The following SFI1 variants were observed in gnomAD, a reference collection of about 807,000 sequenced individuals.
SFI1 encodes the protein protein SFI1 homolog.
A neutral mutation model predicts 207.5 loss-of-function variants in SFI1; 195 were observed. The observed-to-expected ratio is 0.94, with a 90% confidence interval of 0.84 to 1.06. SFI1 has a LOEUF of 1.06. Among genes scored for constraint, SFI1 ranks in the 50% least tolerant of loss-of-function variants. SFI1 has a pLI of 0.00. For synonymous variants in SFI1, 630 were observed against 598.9 expected (o/e 1.05, Z -0.76); for missense variants, 1,634 against 1,588.0 (o/e 1.03, Z -0.49).
At chr22:31,579,152 T>C (rs984324854) in intron 11 of SFI1, among the ~76,000 whole-genome samples, 5 of 151,682 alleles carry the variant, frequency 3.3e-5, no homozygotes, top group Non-Finnish European at 7.4e-5. Flanking sequence ...TTATCATTAC[T>C]ATTATTATTA....
Position 31,545,989 on chromosome 22 carries a change from C to A in SFI1, c.339-872C>A, listed in dbSNP as rs577694033. On this transcript the variant is annotated intron_variant, in intron 4 of 32. Transcript: ENST00000400288. ...TTCACTGGAACCTCTCCCTCCTGGG[C>A]TCAAGCGATCCTCCCACCTCAGCCT... Among the ~76,000 whole-genome samples the A allele has an allele frequency of 3.9e-4, 58 of 148,956 alleles. 2 individuals are homozygous for A. The South Asian group carries it at 9.9e-3, about 25-fold the overall frequency.
At chr22:31,588,228 C>T (rs1310661194) in intron 14 of SFI1, among the ~76,000 whole-genome samples, 2 of 152,208 alleles carry the variant, frequency 1.3e-5, no homozygotes, top group African/African-American at 2.4e-5. Flanking sequence ...AGACTGGGCT[C>T]AACTGGGAAT....
At chr22:31,577,803 G>C (rs1316775752) in intron 10 of SFI1, 1 of 152,308 alleles carries the variant, frequency 6.6e-6, no homozygotes, top group Admixed American at 6.6e-5. Context: ...AGAGAGGCTA[G>C]CACTGGTGGG....
At chr22:31,571,267 C>G (rs181649279) in intron 8 of SFI1, among the ~76,000 whole-genome samples, 1 of 152,128 alleles carries the variant, frequency 6.6e-6, no homozygotes, top group Admixed American at 6.6e-5. Context: ...AAGGTGGATA[C>G]TGTCTGTGTT....
intron 5 of SFI1, among the ~76,000 whole-genome samples, chr22:31,548,328 G>T (rs2060294782): frequency 6.6e-6 from 1 of 152,092 alleles, no homozygotes; most frequent in South Asian, 2.1e-4. Context: ...CCAGTACTTT[G>T]GGAGGCTGAG....
At chr22:31,611,333 T>A in intron 23 of SFI1, 30 bp downstream of exon 23, 3 of 1,561,868 alleles carry the variant, frequency 1.9e-6, no homozygotes, top group Non-Finnish European at 2.6e-6. Flanking sequence ...CTCTCCAAGT[T>A]CTGCCTGCCT....
At chr22:31,575,096 GTGTGTGTGTGTGTGTGT>G in intron 9 of SFI1, 118 bp from the exon 10 acceptor site, 5 of 298,272 alleles carry the variant, frequency 1.7e-5, no homozygotes, top group Admixed American at 7.2e-5. Context: ...GTGTGTGTGT[GTGTGTGTGTGTGTGTGT>G]GTGTGTGTGG....
At chr22:31,592,481 T>C (rs1317564618) in intron 15 of SFI1, among the ~76,000 whole-genome samples, 9 of 26,954 alleles carry the variant, frequency 3.3e-4, no homozygotes, top group East Asian at 1.7e-3. Context: ...CCCTCCCGGA[T>C]GGGGCGGCTG....
chr22:31,565,134 A>G (rs2062153812), intron 8 of SFI1, among the ~76,000 whole-genome samples: 1 of 151,724 alleles, frequency 6.6e-6, no homozygotes, highest in South Asian at 2.1e-4. Context: ...AGAATTTTTT[A>G]AAGTAACAAA....
chr22:31,534,028 A>C (rs1052248705), intron 4 of SFI1, among the ~76,000 whole-genome samples: 1 of 152,204 alleles, frequency 6.6e-6, no homozygotes. Flanking sequence ...CTCTTCCTAG[A>C]TAAGACAGAG....
chr22:31,593,110 GGGC>G (rs1261881258), intron 15 of SFI1, among the ~76,000 whole-genome samples: 1 of 147,280 alleles, frequency 6.8e-6, no homozygotes, highest in East Asian at 2.1e-4. Context: ...CTCCCGGATG[GGGC>G]GGCTGGCCGG....
chr22:31,613,471 C>T lies in SFI1; in HGVS notation c.2683C>T (p.Arg895Cys), dbSNP rs377278499. The change falls in exon 26 of 33, where the codon CGC (arginine) becomes TGC (cysteine). Residue 895 changes from arginine (R) to cysteine (C), a missense_variant. By Grantham distance (180) the Arg-to-Cys change is radical (BLOSUM62 -3). Transcript: ENST00000400288. ...CCAGGAGGGTGCCACGCGGCTCCTG[C>T]GCTTTGCAGCCAGCATGAAGGCCTC... is the stretch of plus-strand genomic sequence containing the variant. Reference protein sequence around the residue: ...LLQEGATRLLRFAASMKASRQ... With the variant: ...LLQEGATRLLCFAASMKASRQ... 52 of 1,601,032 alleles carry T rather than the reference C, an allele frequency of 3.2e-5. No homozygotes were observed. The highest frequency in any genetic ancestry group is 3.8e-5 in the Non-Finnish European group (45 of 1,177,684).
chr22:31,521,812 G>A (rs1256963451), intron 2 of SFI1, among the ~76,000 whole-genome samples: 1 of 151,304 alleles, frequency 6.6e-6, no homozygotes, highest in Non-Finnish European at 1.5e-5. Context: ...TGCCCAGGCT[G>A]GAGGGCAGTG....
At chr22:31,513,998 G>T (rs2056070974) in intron 2 of SFI1, among the ~76,000 whole-genome samples, 2 of 151,852 alleles carry the variant, frequency 1.3e-5, no homozygotes, top group South Asian at 4.2e-4. Flanking sequence ...GTCTGGCATG[G>T]TGGCATGCTA....
At chr22:31,554,296 T>C (rs2148095154) in intron 6 of SFI1, among the ~76,000 whole-genome samples, 1 of 152,154 alleles carries the variant, frequency 6.6e-6, no homozygotes. Flanking sequence ...AATTTATTAT[T>C]TCTTTTTCTT....
chr22:31,566,062 G>C (rs970300957), intron 8 of SFI1, among the ~76,000 whole-genome samples: 5 of 151,446 alleles, frequency 3.3e-5, no homozygotes, highest in African/African-American at 1.2e-4. Flanking sequence ...CTGATGGACT[G>C]TTGACTTCCT....
At position 31,616,804 on chromosome 22, in the gene SFI1, T is replaced by G; in HGVS notation, c.3360T>G (p.Ser1120Arg). The change falls in exon 30 of 33, where the codon AGT (serine) becomes AGG (arginine). Residue 1120 changes from serine (S) to arginine (R), a missense_variant. Physicochemically the swap from Ser to Arg is moderately radical, Grantham distance 110. Coordinates refer to ENST00000400288, the MANE Select transcript of SFI1 (RefSeq NM_001007467.3). Reference sequence around the variant, plus strand: ...CCCCGGTCCCCTCATCCCTGGCCAGTGTCCCTGACCCCCATCTACTCCTTC... The same window carrying G: ...CCCCGGTCCCCTCATCCCTGGCCAGGGTCCCTGACCCCCATCTACTCCTTC... ...DKPPVPSSLA[S>R]VPDPHLLLPG... 1 of 1,610,996 alleles carries G rather than the reference T, an allele frequency of 6.2e-7. No homozygotes were observed. Among genetic ancestry groups the G allele is most frequent in the South Asian group, 1.1e-5 (1 of 90,668 alleles).
In SFI1 at chr22:31,536,602, G is replaced by A. The variant is rs1461457465; in HGVS notation, c.338+5473G>A. Among the ~76,000 whole-genome samples, 28 of 152,104 alleles carry A rather than the reference G, an allele frequency of 1.8e-4. 1 individual carries two copies. On this transcript the variant is annotated intron_variant, in intron 4 of 32. Coordinates refer to ENST00000400288, the MANE Select transcript of SFI1 (RefSeq NM_001007467.3). Reference sequence around the variant, plus strand: ...AATTTTTTGTGTTTTTAGTAGAGACGGGGTTTCACCCTGTTGGCCAGAGTG... The same window carrying A: ...AATTTTTTGTGTTTTTAGTAGAGACAGGGTTTCACCCTGTTGGCCAGAGTG...
chr22:31,547,903 C>A (rs776061435), intron 5 of SFI1, among the ~76,000 whole-genome samples: 21 of 150,662 alleles, frequency 1.4e-4, no homozygotes, highest in Non-Finnish European at 2.5e-4. Context: ...AACCACCACA[C>A]CCGGCCTTGT....
Sources: allele counts gnomAD v4.1 joint callset (sites outside exome capture counted in the v4.1 genomes callset), GRCh38; gene constraint gnomAD v4.1.1; transcripts MANE v1.5; gene names NCBI Gene and HGNC (gene_info 2026-07-23, HGNC 2026-07-21).